MTF2: variants seen among roughly 807,000 people sequenced by gnomAD.
MTF2 encodes the protein metal response element binding transcription factor 2, also known as metal-response element-binding transcription factor 2.
A neutral mutation model predicts 79.5 loss-of-function variants in MTF2; 11 were observed. The observed-to-expected ratio is 0.14, with a 90% CI of 0.09 to 0.23. MTF2 has a LOEUF of 0.23. Ranked by LOEUF, MTF2 falls within the 10% of genes least tolerant of loss-of-function variation. The pLI is 1.00. For synonymous variants in MTF2, 208 were observed against 232.8 expected, an observed-to-expected ratio of 0.89 and a Z score of 0.97; for missense variants, 486 against 711.2, an observed-to-expected ratio of 0.68 and a Z score of 3.60.
chr1:93,090,438 G>C (rs1655030336), intron 1 of MTF2, among the ~76,000 whole-genome samples: 1 of 151,284 alleles, frequency 6.6e-6, no homozygotes, highest in Non-Finnish European at 1.5e-5. Context: ...GTAGAGATGG[G>C]GGTTTCTCCA....
intron 14 of MTF2, chr1:93,134,444 T>C (rs778344991): frequency 4.8e-6 from 2 of 417,192 alleles, no homozygotes; most frequent in Middle Eastern, 6.5e-4. Context: ...AGAAAAAGTA[T>C]ACCATTGTTT....
intron 6 of MTF2, among the ~76,000 whole-genome samples, chr1:93,118,085 G>A (rs1345446408): frequency 6.6e-6 from 1 of 152,074 alleles, no homozygotes; most frequent in Non-Finnish European, 1.5e-5. Flanking sequence ...TAGGAGCCAG[G>A]CATTTTTGAC....
At chr1:93,133,294 C>T (rs1272275683) in intron 11 of MTF2, among the ~76,000 whole-genome samples, 1 of 152,092 alleles carries the variant, frequency 6.6e-6, no homozygotes, top group Non-Finnish European at 1.5e-5. Context: ...AATTCATAGT[C>T]ATTTTTAGTA....
At position 93,138,375 on chromosome 1, in the gene MTF2, A is replaced by T. The variant is rs1245151409; in HGVS notation, c.*1348A>T. On this transcript the variant is annotated 3_prime_UTR_variant, in exon 15 of 15. Coordinates refer to ENST00000370298, the MANE Select transcript of MTF2 (RefSeq NM_007358.4). The stretch of plus-strand genomic sequence containing the variant: ...TTTAAAAGTGATTGGTGGATTTTAG[A>T]CTAATTATGGGGGAATTTGCCACCA... The T allele has an allele frequency of 6.6e-6, 1 of 152,148 alleles. No homozygotes were observed. Among genetic ancestry groups the T allele is most frequent in the African/African-American group, 2.4e-5 (1 of 41,438 alleles). 9.4% of individuals were successfully genotyped at this position (152,148 alleles called of 1,614,324 possible).
chr1:93,115,188 C>A, intron 5 of MTF2, 100 bp downstream of exon 5: 3 of 902,764 alleles, frequency 3.3e-6, no homozygotes, highest in Non-Finnish European at 3.4e-6. Flanking sequence ...ATGAAATGAG[C>A]AATGAATGCT....
At chr1:93,097,233 G>T (rs1406263397) in intron 1 of MTF2, among the ~76,000 whole-genome samples, 1 of 152,156 alleles carries the variant, frequency 6.6e-6, no homozygotes, top group Non-Finnish European at 1.5e-5. Flanking sequence ...GTTGAGACTT[G>T]CTTTATAGAT....
chr1:93,083,300 G>A (rs1000690603), intron 1 of MTF2, among the ~76,000 whole-genome samples: 1 of 152,176 alleles, frequency 6.6e-6, no homozygotes, highest in African/African-American at 2.4e-5. Flanking sequence ...CAATGTTGGG[G>A]GTTACAATTT....
intron 7 of MTF2, among the ~76,000 whole-genome samples, chr1:93,118,711 A>G (rs1235189722): frequency 6.6e-6 from 1 of 152,238 alleles, no homozygotes; most frequent in African/African-American, 2.4e-5. Flanking sequence ...CTTCCTTTAA[A>G]GAACCTCAAA....
intron 11 of MTF2, among the ~76,000 whole-genome samples, chr1:93,131,574 A>C (rs1656918138): frequency 6.6e-6 from 1 of 152,198 alleles, no homozygotes; most frequent in Non-Finnish European, 1.5e-5. Flanking sequence ...ATCCTGAATG[A>C]GAGGGGAGAA....
At chr1:93,089,264 C>A (rs1654974303) in intron 1 of MTF2, among the ~76,000 whole-genome samples, 1 of 152,084 alleles carries the variant, frequency 6.6e-6, no homozygotes, top group African/African-American at 2.4e-5. Context: ...TAGATAAATA[C>A]ATAAATAAAT....
Position 93,108,798 on chromosome 1 carries a change from C to T in MTF2, c.6-1432C>T, listed in dbSNP as rs569613203. Among the ~76,000 whole-genome samples the T allele has an allele frequency of 4.6e-5, 7 of 152,228 alleles. No individual in the cohort carries two copies. The South Asian group carries it at 1.5e-3, about 32-fold the overall frequency. On this transcript the variant is annotated intron_variant, in intron 1 of 14. Coordinates refer to ENST00000370298, the MANE Select transcript of MTF2 (RefSeq NM_007358.4). ...AATGTATTTCTTTCAAACTGAAACA[C>T]TCCGTACCCATTAAACACTAACTCC... is the stretch of plus-strand genomic sequence containing the variant.
At chr1:93,130,930 A>G (rs1656891005) in intron 11 of MTF2, among the ~76,000 whole-genome samples, 1 of 150,544 alleles carries the variant, frequency 6.6e-6, no homozygotes, top group Admixed American at 6.6e-5. Flanking sequence ...TGAATTTGAG[A>G]TTCTTATGAG....
rs185698647 is a variant in MTF2 at position 93,123,593 on chromosome 1, T to C, written c.921+2921T>C. Among the ~76,000 whole-genome samples the C allele has an allele frequency of 1.2e-3, 182 of 152,220 alleles. 1 individual carries two copies. Among genetic ancestry groups the C allele is most frequent in the African/African-American group, 4.1e-3 (172 of 41,560 alleles). ...TATATATTGCACAACTAGGCAGTTA[T>C]CCACATTTATTATCCCTGAACTTTG... On this transcript the variant is annotated intron_variant, in intron 9 of 14. Transcript: ENST00000370298.
At chr1:93,092,444 T>G (rs916358390) in intron 1 of MTF2, among the ~76,000 whole-genome samples, 5 of 152,214 alleles carry the variant, frequency 3.3e-5, no homozygotes, top group African/African-American at 1.2e-4. Context: ...ATTTTGAAAT[T>G]AAAAGGCTTT....
intron 9 of MTF2, 184 bp downstream of exon 9, chr1:93,120,856 T>C: frequency 7.7e-7 from 1 of 1,300,812 alleles, no homozygotes; most frequent in African/African-American, 1.6e-5. Flanking sequence ...TCCTGTGTGT[T>C]TGTTGCCTGT....
chr1:93,127,202 T>C, intron 9 of MTF2, 30 bp from the exon 10 acceptor site: 1 of 1,509,036 alleles, frequency 6.6e-7, no homozygotes, highest in Non-Finnish European at 9.2e-7. Context: ...GAAATTGTAG[T>C]GCGTTAAATT....
At chr1:93,118,547 A>G in intron 7 of MTF2, 107 bp downstream of exon 7, 1 of 689,654 alleles carries the variant, frequency 1.5e-6, no homozygotes, top group Non-Finnish European at 2.3e-6. Context: ...TGATTTGGAA[A>G]GGGGTTGTCT....
chr1:93,099,223 A>G (rs1222337278), intron 1 of MTF2, among the ~76,000 whole-genome samples: 2 of 152,192 alleles, frequency 1.3e-5, no homozygotes, highest in African/African-American at 2.4e-5. Context: ...GTGGATTTAT[A>G]TAACCTCAAT....
chr1:93,121,479 C>T (rs1656475135), intron 9 of MTF2: 1 of 981,986 alleles, frequency 1.0e-6, no homozygotes, highest in Non-Finnish European at 1.2e-6. Flanking sequence ...AAATTTTGCA[C>T]ACTGATTTGA....
Sources: allele counts gnomAD v4.1 joint callset (sites outside exome capture counted in the v4.1 genomes callset), GRCh38; gene constraint gnomAD v4.1.1; transcripts MANE v1.5; gene names NCBI Gene and HGNC (gene_info 2026-07-23, HGNC 2026-07-21).